KIAA1217: variants seen among roughly 807,000 people sequenced by gnomAD.
KIAA1217 encodes sickle tail protein homolog.
Under a neutral mutation model 163.9 loss-of-function variants are expected in KIAA1217, and 88 were observed. The observed-to-expected ratio is 0.54, with a 90% CI of 0.45 to 0.64. The LOEUF is 0.64. Among genes scored for constraint, KIAA1217 ranks in the 30% least tolerant of loss-of-function variants. The probability of loss-of-function intolerance (pLI) is 0.00; values close to 1 mark genes in which losing one functional copy is unlikely to be tolerated. For synonymous variants in KIAA1217, 903 were observed against 923.1 expected (o/e 0.98, Z 0.39); for missense variants, 2,372 against 2,475.0 (o/e 0.96, Z 0.88).
chr10:24,060,639 T>A lies in KIAA1217; in HGVS notation c.-171+53265T>A, dbSNP rs573170273. 4.1e-3 allele frequency among the ~76,000 whole-genome samples: 624 copies of A among 152,064 alleles called. 3 individuals are homozygous for A. The highest frequency in any genetic ancestry group is 0.013 in the African/African-American group (559 of 41,458). On this transcript the variant is annotated intron_variant, in intron 2 of 18. Coordinates refer to the KIAA1217 transcript ENST00000376462. ...GCAAGACTCTGTTTCTACAAAAAAA[T>A]TTTTTTATGAGATGTGCGTGGTGAC...
intron 2 of KIAA1217, among the ~76,000 whole-genome samples, chr10:24,157,333 T>C (rs541038692): frequency 6.6e-6 from 1 of 152,320 alleles, no homozygotes; most frequent in South Asian, 2.1e-4. Flanking sequence ...TACTTCTTTA[T>C]TGGGTTGTTT....
intron 2 of KIAA1217, among the ~76,000 whole-genome samples, chr10:24,106,111 T>C (rs964929520): frequency 3.3e-5 from 5 of 152,156 alleles, no homozygotes; most frequent in African/African-American, 1.2e-4. Context: ...GGTGGCAGTG[T>C]ATGTGATATG....
At chr10:24,256,002 G>A (rs889579686) in intron 2 of KIAA1217, among the ~76,000 whole-genome samples, 4 of 134,436 alleles carry the variant, frequency 3.0e-5, no homozygotes, top group Non-Finnish European at 6.1e-5. Context: ...ATGCCTCAAA[G>A]GTTAGAAAGC....
At chr10:24,208,490 C>T (rs540238883), upstream of KIAA1217, among the ~76,000 whole-genome samples, 1 of 151,956 alleles carries the variant, frequency 6.6e-6, no homozygotes, top group African/African-American at 2.4e-5. Flanking sequence ...TGATTGAAAT[C>T]GACTGTGTGC....
At chr10:24,348,130 G>A (rs1215649715) in intron 2 of KIAA1217, among the ~76,000 whole-genome samples, 2 of 152,186 alleles carry the variant, frequency 1.3e-5, no homozygotes, top group African/African-American at 2.4e-5. Flanking sequence ...GCAGAGGCAG[G>A]TAGATCACTT....
chr10:24,390,540 G>T (rs2054771994), intron 3 of KIAA1217, among the ~76,000 whole-genome samples: 1 of 130,056 alleles, frequency 7.7e-6, no homozygotes, highest in Non-Finnish European at 1.6e-5. Context: ...AAAATTATGA[G>T]GAAATTTCAA....
intron 1 of KIAA1217, among the ~76,000 whole-genome samples, chr10:23,884,754 G>A (rs1291598535): frequency 1.3e-5 from 2 of 151,934 alleles, no homozygotes; most frequent in Admixed American, 6.6e-5. Flanking sequence ...GGTAGAATTA[G>A]AGGAATTATT....
chr10:24,384,123 T>G (rs921362106), intron 3 of KIAA1217, among the ~76,000 whole-genome samples: 5 of 152,174 alleles, frequency 3.3e-5, no homozygotes, highest in Admixed American at 2.6e-4. Flanking sequence ...TACTTTGAGC[T>G]GTAACCCCCC....
intron 2 of KIAA1217, among the ~76,000 whole-genome samples, chr10:24,074,961 A>T (rs2131638142): frequency 6.6e-6 from 1 of 152,184 alleles, no homozygotes. Flanking sequence ...GGTCTCCAAA[A>T]GTGCTGAGAT....
chr10:24,254,763 A>T (rs2074960037), intron 2 of KIAA1217, among the ~76,000 whole-genome samples: 1 of 152,108 alleles, frequency 6.6e-6, no homozygotes, highest in South Asian at 2.1e-4. Context: ...TTAGGTAAAG[A>T]TCTGTCTCTA....
In KIAA1217 at chr10:23,830,433, A is replaced by G. The variant is rs117117452; in HGVS notation, c.-321+135199A>G. Among the ~76,000 whole-genome samples, 190 of 152,210 alleles carry G rather than the reference A, an allele frequency of 1.2e-3. 12 individuals carry two copies. The East Asian group carries it at 0.028, about 22-fold the overall frequency. ...GTCCAGGGCTCTCTGAGAAGAATTT[A>G]ATAGTAGAATTTTTGTGTTTGGCCG... On this transcript the variant is annotated intron_variant, in intron 1 of 18. Coordinates refer to the KIAA1217 transcript ENST00000376462.
chr10:23,855,352 T>A (rs1839596751), intron 1 of KIAA1217, among the ~76,000 whole-genome samples: 1 of 152,226 alleles, frequency 6.6e-6, no homozygotes, highest in African/African-American at 2.4e-5. Context: ...CCCTACTCTC[T>A]TCTGGCTTGT....
chr10:23,856,698 G>A (rs1002989001), intron 1 of KIAA1217, among the ~76,000 whole-genome samples: 60 of 152,240 alleles, frequency 3.9e-4, no homozygotes, highest in African/African-American at 1.3e-3. Context: ...GTTTACCTAA[G>A]CAAACCTGGG....
chr10:24,271,985 G>T (rs2076813712), intron 2 of KIAA1217, among the ~76,000 whole-genome samples: 1 of 152,090 alleles, frequency 6.6e-6, no homozygotes, highest in South Asian at 2.1e-4. Flanking sequence ...GTTACAAGAG[G>T]CACAGAGAGA....
At chr10:23,857,330 A>G (rs1171485248) in intron 1 of KIAA1217, among the ~76,000 whole-genome samples, 1 of 152,200 alleles carries the variant, frequency 6.6e-6, no homozygotes, top group East Asian at 1.9e-4. Flanking sequence ...AATAGTGCTG[A>G]TAAGTTCACT....
At chr10:23,723,922 A>G (rs535931294) in intron 1 of KIAA1217, among the ~76,000 whole-genome samples, 1 of 152,366 alleles carries the variant, frequency 6.6e-6, no homozygotes, top group East Asian at 1.9e-4. Context: ...CACAGAAAGT[A>G]TAGTGGTTTC....
At chr10:23,818,012 C>CATATAT (rs1381043932) in intron 1 of KIAA1217, among the ~76,000 whole-genome samples, 6 of 114,818 alleles carry the variant, frequency 5.2e-5, no homozygotes, top group African/African-American at 1.9e-4. Flanking sequence ...TATATATACA[C>CATATAT]ACATATATAT....
In KIAA1217 at chr10:24,422,385, G is replaced by A. The variant is rs28663683; in HGVS notation, c.554-10610G>A. Among the ~76,000 whole-genome samples the A allele has an allele frequency of 7.8e-3, 1,192 of 152,262 alleles. 18 individuals carry two copies. The highest frequency in any genetic ancestry group is 0.026 in the African/African-American group (1,076 of 41,556). On this transcript the variant is annotated intron_variant, in intron 3 of 20. Transcript: ENST00000376454. Reference sequence around the variant, plus strand: ...AGCTCATCTTAAGTGTTAGAATTCAGATACAGTTATAGCATATTCGTAATT... The same window carrying A: ...AGCTCATCTTAAGTGTTAGAATTCAAATACAGTTATAGCATATTCGTAATT...
intron 1 of KIAA1217, among the ~76,000 whole-genome samples, chr10:23,814,249 G>A (rs1285191236): frequency 3.3e-5 from 5 of 152,180 alleles, no homozygotes; most frequent in Non-Finnish European, 7.3e-5. Flanking sequence ...GGAGGAATGA[G>A]TGGATCATTC....
Sources: gnomAD v4.1 joint callset for allele counts (sites outside exome capture counted in the v4.1 genomes callset) on GRCh38, gnomAD v4.1.1 for gene constraint, MANE v1.5 for transcripts, NCBI Gene and HGNC (gene_info 2026-07-23, HGNC 2026-07-21) for gene names.